AMOTL1: variants seen among roughly 807,000 people sequenced by gnomAD.
The protein encoded by AMOTL1 is angiomotin like 1.
A neutral mutation model predicts 102.9 loss-of-function variants in AMOTL1; 45 were observed. The ratio of observed to expected loss-of-function variants is 0.44; its 90% confidence interval spans 0.34 to 0.56. The LOEUF is 0.56. Among genes scored for constraint, AMOTL1 ranks in the 20% least tolerant of loss-of-function variants. The pLI, the probability that AMOTL1 is intolerant of heterozygous loss-of-function variation, is 0.01. For missense variants in AMOTL1, 1,114 were observed against 1,225.6 expected (o/e 0.91, Z 1.36); for synonymous variants, 481 against 484.7 (o/e 0.99, Z 0.10).
intron 3 of AMOTL1, among the ~76,000 whole-genome samples, chr11:94,804,838 G>A (rs1040644049): frequency 4.6e-5 from 7 of 152,226 alleles, no homozygotes; most frequent in African/African-American, 1.7e-4. Flanking sequence ...TGGAGTAGTT[G>A]TGGTGGTGGT....
chr11:94,771,923 T>C (rs552044451), intron 1 of AMOTL1, among the ~76,000 whole-genome samples: 1 of 152,354 alleles, frequency 6.6e-6, no homozygotes, highest in South Asian at 2.1e-4. Context: ...AAACTGTCGT[T>C]CTATGGTGTG....
At chr11:94,779,956 C>T (rs1951084691) in intron 1 of AMOTL1, among the ~76,000 whole-genome samples, 2 of 152,226 alleles carry the variant, frequency 1.3e-5, no homozygotes, top group Non-Finnish European at 2.9e-5. Flanking sequence ...TGTTATGATC[C>T]TGAAGGAATA....
intron 1 of AMOTL1, among the ~76,000 whole-genome samples, chr11:94,711,915 GT>G (rs1487977976): frequency 6.6e-6 from 1 of 152,058 alleles, no homozygotes; most frequent in East Asian, 1.9e-4. Flanking sequence ...TCATGTACAA[GT>G]TTTTTGCATG....
intron 1 of AMOTL1, among the ~76,000 whole-genome samples, chr11:94,775,672 A>T (rs577962846): frequency 6.6e-6 from 1 of 152,214 alleles, no homozygotes. Context: ...CTTAATAGCC[A>T]TTTCCATCAC....
At chr11:94,725,906 C>T (rs141876501) in intron 1 of AMOTL1, among the ~76,000 whole-genome samples, 4 of 152,200 alleles carry the variant, frequency 2.6e-5, no homozygotes, top group East Asian at 1.9e-4. Flanking sequence ...TGATCAGATG[C>T]GTGCTTTAAA....
At chr11:94,713,618 C>T (rs926805162) in intron 1 of AMOTL1, among the ~76,000 whole-genome samples, 1 of 151,688 alleles carries the variant, frequency 6.6e-6, no homozygotes, top group Non-Finnish European at 1.5e-5. Flanking sequence ...ATACGAAGTA[C>T]TTAACTTTCT....
In AMOTL1 at chr11:94,800,155, C is replaced by T. The variant is rs1565357500; in HGVS notation, c.965C>T (p.Ser322Phe). The change falls in exon 3 of 13, where the codon TCC (serine) becomes TTC (phenylalanine). Residue 322 changes from serine (S) to phenylalanine (F), a missense_variant. By Grantham distance (155) the Ser-to-Phe change is radical. Coordinates refer to ENST00000433060, the MANE Select transcript of AMOTL1 (RefSeq NM_130847.3). ...CCCTTCAAGACCAAGCAAATGATGT[C>T]CCCAGTCAGCAAGACCCAGGAGCAC... The part of the protein sequence containing the change: ...EYPFKTKQMM[S>F]PVSKTQEHGL... 1 of 1,613,940 alleles carries T rather than the reference C, an allele frequency of 6.2e-7. No homozygotes were observed. The highest frequency in any genetic ancestry group is 8.5e-7 in the Non-Finnish European group (1 of 1,179,878).
chr11:94,859,850 A>T, intron 9 of AMOTL1, 135 bp downstream of exon 9: 4 of 995,938 alleles, frequency 4.0e-6, no homozygotes, highest in Non-Finnish European at 5.5e-6. Flanking sequence ...AAGTAGTTAC[A>T]GTGCTAGTTG....
intron 2 of AMOTL1, among the ~76,000 whole-genome samples, chr11:94,798,658 A>C (rs1951410931): frequency 6.6e-6 from 1 of 152,092 alleles, no homozygotes; most frequent in African/African-American, 2.4e-5. Context: ...GTGGAAGAGC[A>C]CTCAGGACAG....
At position 94,865,972 on chromosome 11, in the gene AMOTL1, G is replaced by A. The variant is rs1011184314; in HGVS notation, c.2292G>A (p.Glu764=). 1.2e-6 allele frequency: 2 copies of A among 1,613,852 alleles called. No individual in the cohort carries two copies. The highest frequency in any genetic ancestry group is 8.5e-7 in the Non-Finnish European group (1 of 1,179,848). ...AAAATCTCCATGCCAAAATCATAGA[G>A]AAAGATGCTATGATTAAGGTCCTGC... is the stretch of plus-strand genomic sequence containing the variant. ...TIKNLHAKII[E]KDAMIKVLQQ... Residue 764 remains glutamate (E), a synonymous_variant, in exon 11 of 13, where the codon GAG becomes GAA. Coordinates refer to ENST00000433060, the MANE Select transcript of AMOTL1 (RefSeq NM_130847.3).
At chr11:94,778,172 G>A (rs887105919) in intron 1 of AMOTL1, among the ~76,000 whole-genome samples, 1 of 152,300 alleles carries the variant, frequency 6.6e-6, no homozygotes, top group East Asian at 1.9e-4. Flanking sequence ...TACAAGCTTA[G>A]AAGAGTTCTC....
At chr11:94,804,459 G>C (rs991223251) in intron 3 of AMOTL1, among the ~76,000 whole-genome samples, 2 of 152,066 alleles carry the variant, frequency 1.3e-5, no homozygotes, top group Non-Finnish European at 2.9e-5. Context: ...AACTATTTTT[G>C]TAATTCTTTT....
chr11:94,814,969 A>C (rs1951741612), intron 3 of AMOTL1, among the ~76,000 whole-genome samples: 1 of 152,230 alleles, frequency 6.6e-6, no homozygotes, highest in Non-Finnish European at 1.5e-5. Flanking sequence ...GAAGCCTGGT[A>C]AATTTTTTCT....
At chr11:94,801,252 G>A (rs141587398) in intron 3 of AMOTL1, among the ~76,000 whole-genome samples, 14 of 152,288 alleles carry the variant, frequency 9.2e-5, no homozygotes, top group South Asian at 6.2e-4. Context: ...AGGGAGTGCC[G>A]TGTCTTCAGA....
chr11:94,809,750 A>T (rs1313670813), intron 3 of AMOTL1, among the ~76,000 whole-genome samples: 1 of 152,258 alleles, frequency 6.6e-6, no homozygotes, highest in Non-Finnish European at 1.5e-5. Context: ...ACAATTCTGA[A>T]GCCATTTCTA....
chr11:94,815,392 C>T (rs1355304657), intron 3 of AMOTL1, among the ~76,000 whole-genome samples: 1 of 151,768 alleles, frequency 6.6e-6, no homozygotes, highest in Non-Finnish European at 1.5e-5. Context: ...TTAGGAAAAC[C>T]TGAACTCCAC....
chr11:94,817,638 C>T (rs1393285835), intron 3 of AMOTL1, among the ~76,000 whole-genome samples: 2 of 152,140 alleles, frequency 1.3e-5, no homozygotes, highest in African/African-American at 4.8e-5. Context: ...TCATTTGCAT[C>T]TTTAACCATA....
chr11:94,729,074 TC>T (rs1565329835), intron 2 of AMOTL1: 1 of 1,285,870 alleles, frequency 7.8e-7, no homozygotes, highest in Non-Finnish European at 1.0e-6. Context: ...GTTTTTGATG[TC>T]CCTGATAGCA....
chr11:94,840,675 TATATATACAC>T (rs964558608), intron 6 of AMOTL1, among the ~76,000 whole-genome samples: 13 of 128,196 alleles, frequency 1.0e-4, no homozygotes, highest in Admixed American at 9.0e-4. Flanking sequence ...TATATATATA[TATATATACAC>T]ACACACACAC....
Sources: gnomAD v4.1 joint callset for allele counts (sites outside exome capture counted in the v4.1 genomes callset) on GRCh38, gnomAD v4.1.1 for gene constraint, MANE v1.5 for transcripts, NCBI Gene and HGNC (gene_info 2026-07-23, HGNC 2026-07-21) for gene names.